NRXN3: variants seen among roughly 807,000 people sequenced by gnomAD.
NRXN3 encodes neurexin 3, also known as neurexin III.
In NRXN3, 32 loss-of-function variants were observed where a neutral mutation model predicts 137.6. The ratio of observed to expected loss-of-function variants is 0.23; its 90% CI spans 0.18 to 0.31. NRXN3 has a LOEUF of 0.31. Among genes scored for constraint, NRXN3 ranks in the 10% least tolerant of loss-of-function variants. The probability of loss-of-function intolerance (pLI) is 1.00; values close to 1 mark genes in which losing one functional copy is unlikely to be tolerated. For missense variants in NRXN3, 1,574 were observed against 2,062.5 expected (o/e 0.76, Z 4.59); for synonymous variants, 798 against 784.5 (o/e 1.02, Z -0.29).
intron 4 of NRXN3, among the ~76,000 whole-genome samples, chr14:78,326,279 C>G (rs1032419857): frequency 6.6e-6 from 1 of 152,162 alleles, no homozygotes; most frequent in Non-Finnish European, 1.5e-5. Context: ...TCTACACTGA[C>G]CCAGTCCCAC....
At chr14:78,372,896 A>G (rs747074996) in intron 4 of NRXN3, among the ~76,000 whole-genome samples, 14 of 152,238 alleles carry the variant, frequency 9.2e-5, no homozygotes, top group African/African-American at 3.4e-4. Flanking sequence ...GCAATGTATC[A>G]TAACACGGTA....
chr14:79,227,699 CTCTT>C (rs1283562629), intron 15 of NRXN3, among the ~76,000 whole-genome samples: 1 of 151,924 alleles, frequency 6.6e-6, no homozygotes, highest in African/African-American at 2.4e-5. Context: ...TCTTTTCTCT[CTCTT>C]TTTCTTTTCT....
rs187878807 is a variant in NRXN3 at position 78,292,912 on chromosome 14, G to C, written c.728-4919G>C. Among the ~76,000 whole-genome samples the C allele has an allele frequency of 6.9e-3, 1,046 of 152,236 alleles. 38 individuals are homozygous for C. Among genetic ancestry groups the C allele is most frequent in the Admixed American group, 0.056 (862 of 15,290 alleles). On this transcript the variant is annotated intron_variant, in intron 3 of 20. Coordinates refer to ENST00000335750, the MANE Select transcript of NRXN3 (RefSeq NM_001330195.2). ...TGACCTGGGAGATTGCTGCTGATGG[G>C]CATGCATTTTGACCCCGTTTCTGAG...
intron 1 of NRXN3, among the ~76,000 whole-genome samples, chr14:78,240,001 G>T (rs771606386): frequency 1.3e-5 from 2 of 152,204 alleles, no homozygotes; most frequent in Non-Finnish European, 2.9e-5. Context: ...ACCGTGCATA[G>T]CCTCAAGTCT....
rs1019029084 is a variant in NRXN3, at chr14:78,709,312, G to T, written c.1317G>T (p.Lys439Asn). 9 of 1,614,122 alleles carry T rather than the reference G, an allele frequency of 5.6e-6. No homozygotes were observed. Among genetic ancestry groups the T allele is most frequent in the Non-Finnish European group, 7.6e-6 (9 of 1,180,008 alleles). Residue 439 changes from lysine (K) to asparagine (N), a missense_variant, in exon 7 of 21, where the codon AAG becomes AAT. Physicochemically the swap from Lys to Asn is moderately conservative, Grantham distance 94. Coordinates refer to ENST00000335750, the MANE Select transcript of NRXN3 (RefSeq NM_001330195.2). ...KMKIYGEVVFKCENVATLDPI... is the reference protein window; with the variant it reads ...KMKIYGEVVFNCENVATLDPI... ...AAATCTATGGCGAAGTTGTGTTTAA[G>T]TGTGAGAATGTGGCCACACTGGACC...
chr14:78,244,656 A>G (rs1454072401), intron 2 of NRXN3, among the ~76,000 whole-genome samples: 1 of 152,170 alleles, frequency 6.6e-6, no homozygotes, highest in Non-Finnish European at 1.5e-5. Context: ...TGGATGAGGC[A>G]TCTGCGCCAG....
chr14:79,540,377 T>C (rs1014302429), intron 16 of NRXN3, among the ~76,000 whole-genome samples: 9 of 149,010 alleles, frequency 6.0e-5, no homozygotes, highest in East Asian at 3.9e-4. Context: ...ATCAAACCAG[T>C]GTGTTTAGCG....
intron 4 of NRXN3, among the ~76,000 whole-genome samples, chr14:78,459,173 G>A (rs1336997038): frequency 6.6e-6 from 1 of 152,192 alleles, no homozygotes; most frequent in East Asian, 1.9e-4. Context: ...TGAAATGAAA[G>A]GAATCAAGAG....
intron 6 of NRXN3, among the ~76,000 whole-genome samples, chr14:78,698,969 A>G (rs1026261497): frequency 8.5e-5 from 13 of 152,062 alleles, no homozygotes; most frequent in Non-Finnish European, 1.6e-4. Context: ...ATCAGGAAGT[A>G]GCCCTTGTGA....
Position 78,232,346 on chromosome 14 carries a change from A to G in NRXN3, c.-703-10045A>G, listed in dbSNP as rs149658675. Among the ~76,000 whole-genome samples the G allele has an allele frequency of 9.9e-4, 151 of 152,360 alleles. 1 individual carries two copies. The highest frequency in any genetic ancestry group is 3.3e-3 in the African/African-American group (137 of 41,580). On this transcript the variant is annotated intron_variant, in intron 1 of 20. Coordinates refer to ENST00000335750, the MANE Select transcript of NRXN3 (RefSeq NM_001330195.2). ...GTGGGGGCTTTACTGTGTCCTGGAA[A>G]GAGAACAGAGAGAGCCCTCCCAGCA...
chr14:78,492,689 C>G (rs2095691973), intron 4 of NRXN3, among the ~76,000 whole-genome samples: 2 of 152,112 alleles, frequency 1.3e-5, no homozygotes, highest in Admixed American at 1.3e-4. Flanking sequence ...GATATAAACA[C>G]TTGTAGGGGC....
chr14:78,234,536 G>A (rs1012466854), intron 1 of NRXN3, among the ~76,000 whole-genome samples: 6 of 152,196 alleles, frequency 3.9e-5, no homozygotes, highest in African/African-American at 1.4e-4. Context: ...TGGCTCTAGA[G>A]CCCATGCCTT....
At chr14:79,611,411 A>T (rs147135067) in intron 16 of NRXN3, 1 of 152,248 alleles carries the variant, frequency 6.6e-6, no homozygotes, top group Non-Finnish European at 1.5e-5. Flanking sequence ...CATCCTGGCT[A>T]ACACGGTGAA....
rs557467358 is a variant in NRXN3, at chr14:78,365,131, G to A, written c.757+67271G>A. On this transcript the variant is annotated intron_variant, in intron 4 of 20. Transcript: ENST00000335750. Reference sequence around the variant, plus strand: ...ATGTAGGTTTTATAGTTAATGTAATGTTGCAATAGATCATGTACATGATTT... The same window carrying A: ...ATGTAGGTTTTATAGTTAATGTAATATTGCAATAGATCATGTACATGATTT... Among the ~76,000 whole-genome samples, 4 of 151,904 alleles carry A rather than the reference G, an allele frequency of 2.6e-5. No individual in the cohort carries two copies. In the East Asian group the frequency reaches 5.8e-4, roughly 22 times the overall value.
intron 15 of NRXN3, among the ~76,000 whole-genome samples, chr14:79,091,948 G>A (rs1434893586): frequency 3.9e-5 from 6 of 151,970 alleles, no homozygotes; most frequent in East Asian, 1.9e-4. Flanking sequence ...AAACCAACAC[G>A]TAGAACTGAA....
At chr14:79,593,558 G>A (rs903793891) in intron 16 of NRXN3, among the ~76,000 whole-genome samples, 1 of 150,936 alleles carries the variant, frequency 6.6e-6, no homozygotes, top group Non-Finnish European at 1.5e-5. Flanking sequence ...GTGAACCCGG[G>A]AGGCAGAGCT....
At chr14:78,932,553 A>G (rs1453913650) in intron 10 of NRXN3, among the ~76,000 whole-genome samples, 1 of 152,184 alleles carries the variant, frequency 6.6e-6, no homozygotes, top group Non-Finnish European at 1.5e-5. Flanking sequence ...AACTCCTGCA[A>G]AAAGGATGCT....
At chr14:78,787,300 C>T (rs895606199) in intron 8 of NRXN3, among the ~76,000 whole-genome samples, 10 of 152,118 alleles carry the variant, frequency 6.6e-5, no homozygotes, top group African/African-American at 1.9e-4. Flanking sequence ...TATGGAAGCA[C>T]CCACATTCTA....
At chr14:79,277,183 A>C (rs1199550278) in intron 15 of NRXN3, among the ~76,000 whole-genome samples, 2 of 152,164 alleles carry the variant, frequency 1.3e-5, no homozygotes, top group African/African-American at 4.8e-5. Flanking sequence ...TCTTGGGGAA[A>C]AGCCTTCCAG....
Sources: allele counts gnomAD v4.1 joint callset (sites outside exome capture counted in the v4.1 genomes callset), GRCh38; gene constraint gnomAD v4.1.1; transcripts MANE v1.5; gene names NCBI Gene and HGNC (gene_info 2026-07-23, HGNC 2026-07-21).